Variants in SLC22A23 observed in about 807,000 individuals in gnomAD.
The protein encoded by SLC22A23 is ion transporter protein.
In SLC22A23, 26 loss-of-function variants were observed where a neutral mutation model predicts 61.0. That is an observed-to-expected ratio of 0.43 (90% CI 0.31 to 0.59). SLC22A23 has a LOEUF of 0.59. Among genes scored for constraint, SLC22A23 ranks in the 20% least tolerant of loss-of-function variants. The pLI is 0.11. For synonymous variants in SLC22A23, 430 were observed against 413.9 expected, an observed-to-expected ratio of 1.04 and a Z score of -0.47; for missense variants, 796 against 934.7, an observed-to-expected ratio of 0.85 and a Z score of 1.94.
rs145838290 is a variant in SLC22A23 at position 3,420,203 on chromosome 6, G to A, written c.655-4348C>T. ...CAGAGTGTGTCTACATTTCACACAC[G>A]TTAGTTGCTATGTGTTCTAGCAAAA... On this transcript the variant is annotated intron_variant, in intron 1 of 9. Coordinates refer to ENST00000406686, the MANE Select transcript of SLC22A23 (RefSeq NM_015482.2). Among the ~76,000 whole-genome samples, 104 of 146,210 alleles carry A rather than the reference G, an allele frequency of 7.1e-4. No individual in the cohort carries two copies. In the East Asian group the frequency reaches 8.9e-3, roughly 13 times the overall value.
intron 1 of SLC22A23, chr6:3,444,765 TG>T: frequency 1.0e-6 from 1 of 981,550 alleles, no homozygotes; most frequent in African/African-American, 1.7e-5. Context: ...GGGTGCTTTT[TG>T]GTGGGGCTCC....
intron 3 of SLC22A23, among the ~76,000 whole-genome samples, chr6:3,383,623 G>C (rs148658162): frequency 6.1e-4 from 93 of 152,342 alleles, no homozygotes; most frequent in African/African-American, 2.2e-3. Flanking sequence ...AAAATCCCTA[G>C]AAAAAGTGGC....
chr6:3,333,823 CTG>C lies in SLC22A23; in HGVS notation c.914-9823_914-9822del, dbSNP rs1337223827. On this transcript the variant is annotated intron_variant, in intron 3 of 9. Coordinates refer to ENST00000406686, the MANE Select transcript of SLC22A23 (RefSeq NM_015482.2). This position sits in a 1 kb window ranked among gnomAD's most constrained non-coding sequence, Gnocchi z 4.1. ...CTTCTCAGTCCTACTGTATCAGAAA[CTG>C]AGGCTGGGAACAGCAATCTGTGTCA... 6.6e-6 allele frequency among the ~76,000 whole-genome samples: 1 copy of C among 152,216 alleles called. No individual in the cohort carries two copies. The highest frequency in any genetic ancestry group is 1.5e-5 in the Non-Finnish European group (1 of 68,052).
chr6:3,344,077 CTG>C (rs1764292732), intron 3 of SLC22A23, among the ~76,000 whole-genome samples: 1 of 152,170 alleles, frequency 6.6e-6, no homozygotes, highest in Non-Finnish European at 1.5e-5. Context: ...TCTTCCAGAA[CTG>C]CATTGTCCAA....
chr6:3,444,518 C>T lies in SLC22A23; in HGVS notation c.654+11388G>A, dbSNP rs149267498. Among the ~76,000 whole-genome samples, 320 of 152,320 alleles carry T rather than the reference C, an allele frequency of 2.1e-3. 1 individual carries two copies. The highest frequency in any genetic ancestry group is 7.1e-3 in the Admixed American group (109 of 15,294). On this transcript the variant is annotated intron_variant, in intron 1 of 9. Transcript: ENST00000406686. ...GTTCACGCAGCACACCCAAGCCAGGCTTTCAAACACATGCAGCTCATCTTC... is the reference window on the plus strand; with the variant it reads ...GTTCACGCAGCACACCCAAGCCAGGTTTTCAAACACATGCAGCTCATCTTC...
chr6:3,290,001 T>TG, intron 5 of SLC22A23, 135 bp from the exon 6 acceptor site: 1 of 683,366 alleles, frequency 1.5e-6, no homozygotes, highest in Non-Finnish European at 2.5e-6. Context: ...TTTTTTTTTT[T>TG]TGCCAGTGGA....
chr6:3,399,501 GA>G (rs1266684034), intron 3 of SLC22A23, among the ~76,000 whole-genome samples: 2 of 152,292 alleles, frequency 1.3e-5, no homozygotes, highest in Non-Finnish European at 2.9e-5. Flanking sequence ...CGCCCCTCCA[GA>G]AGGAAGGCAG....
At chr6:3,409,394 C>A (rs1769053446) in intron 3 of SLC22A23, among the ~76,000 whole-genome samples, 1 of 152,174 alleles carries the variant, frequency 6.6e-6, no homozygotes. Flanking sequence ...TAGAACTATT[C>A]TTATGTTGTC....
intron 3 of SLC22A23, among the ~76,000 whole-genome samples, chr6:3,402,855 C>CA (rs2127501204): frequency 6.6e-6 from 1 of 152,320 alleles, no homozygotes; most frequent in African/African-American, 2.4e-5. Flanking sequence ...ATCAAGGAAC[C>CA]AACTGTCCAT....
At position 3,414,525 on chromosome 6, in the gene SLC22A23, G is replaced by A. The variant is rs1769526100; in HGVS notation, c.758+1227C>T. On this transcript the variant is annotated intron_variant, in intron 2 of 9. Coordinates refer to ENST00000406686, the MANE Select transcript of SLC22A23 (RefSeq NM_015482.2). The surrounding 1 kb of genome is among the most constrained non-coding windows in gnomAD (Gnocchi z 5.1). ...GAAATCACATTACATGTCAGCTCAA[G>A]GAACTCCCAAATACACGCTGGGTTT... Among the ~76,000 whole-genome samples the A allele has an allele frequency of 6.6e-6, 1 of 152,008 alleles. No homozygotes were observed. Among genetic ancestry groups the A allele is most frequent in the African/African-American group, 2.4e-5 (1 of 41,376 alleles).
In SLC22A23 at chr6:3,456,126, C is replaced by A; in HGVS notation, c.434G>T (p.Arg145Leu). 1 of 1,551,006 alleles carries A rather than the reference C, an allele frequency of 6.4e-7. No individual in the cohort carries two copies. Among genetic ancestry groups the A allele is most frequent in the African/African-American group, 1.4e-5 (1 of 73,130 alleles). The change falls in exon 1 of 10, where the codon CGG becomes CTG. Residue 145 changes from arginine to leucine, a missense_variant. Physicochemically the swap from Arg to Leu is moderately radical, Grantham distance 102. Transcript: ENST00000406686. The surrounding 1 kb of genome is among the most constrained non-coding windows in gnomAD (Gnocchi z 7.1). ...GGTCCAGTTGCCCATGTCCCCGCCC[C>A]GGCCTGTGGTGGTGACCCCTGCCAG... The part of the protein sequence containing the change: ...TELAGVTTTG[R>L]GGDMGNWTSL...
At chr6:3,334,304 G>A (rs927131098) in intron 3 of SLC22A23, among the ~76,000 whole-genome samples, 5 of 152,128 alleles carry the variant, frequency 3.3e-5, no homozygotes, top group African/African-American at 1.2e-4. Flanking sequence ...TAGGATTACA[G>A]GCACCTTCCA....
chr6:3,373,634 GA>G (rs943165070), intron 3 of SLC22A23, among the ~76,000 whole-genome samples: 34 of 151,500 alleles, frequency 2.2e-4, no homozygotes, highest in African/African-American at 7.0e-4. Flanking sequence ...AGAAGAAGAA[GA>G]AAAAAAAGAA....
intron 1 of SLC22A23, among the ~76,000 whole-genome samples, chr6:3,424,664 G>A (rs1434432220): frequency 6.6e-6 from 1 of 152,178 alleles, no homozygotes; most frequent in Non-Finnish European, 1.5e-5. Context: ...TCTTCCACTA[G>A]CTCAGGGGGT....
intron 9 of SLC22A23, among the ~76,000 whole-genome samples, chr6:3,276,342 G>C (rs1441535012): frequency 6.6e-6 from 1 of 152,202 alleles, no homozygotes; most frequent in East Asian, 1.9e-4. Flanking sequence ...GCTCCTTCCT[G>C]TCCAGCCCAT....
At chr6:3,430,426 C>T (rs911344518) in intron 1 of SLC22A23, among the ~76,000 whole-genome samples, 2 of 152,134 alleles carry the variant, frequency 1.3e-5, no homozygotes, top group African/African-American at 4.8e-5. Flanking sequence ...TACGTCCTGG[C>T]CTTGTGTAAA....
At chr6:3,290,152 A>C in intron 5 of SLC22A23, 2 of 491,088 alleles carry the variant, frequency 4.1e-6, no homozygotes, top group African/African-American at 1.9e-5. Context: ...GGAACCAGTC[A>C]GAGTGCACAC....
chr6:3,366,300 T>C (rs1765812323), intron 3 of SLC22A23, among the ~76,000 whole-genome samples: 1 of 120,092 alleles, frequency 8.3e-6, no homozygotes, highest in African/African-American at 3.3e-5. Flanking sequence ...ACCACTGCAC[T>C]CCAGCCTGGG....
At chr6:3,432,582 A>T (rs1232004161) in intron 1 of SLC22A23, among the ~76,000 whole-genome samples, 1 of 152,202 alleles carries the variant, frequency 6.6e-6, no homozygotes, top group Admixed American at 6.5e-5. Flanking sequence ...TCAAATTTCT[A>T]AACTGTTATC....
Sources: allele counts gnomAD v4.1 joint callset (sites outside exome capture counted in the v4.1 genomes callset), GRCh38; gene constraint gnomAD v4.1.1; non-coding constraint Gnocchi (gnomAD v3.1); transcripts MANE v1.5; gene names NCBI Gene and HGNC (gene_info 2026-07-23, HGNC 2026-07-21).